The following ARHGAP22 variants were observed in gnomAD, a reference collection of about 807,000 sequenced individuals.
The protein encoded by ARHGAP22 is rho GTPase-activating protein 22.
ARHGAP22 carries 48 observed loss-of-function variants against 59.1 expected under a neutral mutation model. The observed-to-expected ratio is 0.81, with a 90% CI of 0.64 to 1.03. The LOEUF is 1.03. ARHGAP22 is among the 50% of genes least tolerant of loss of function. The probability of loss-of-function intolerance (pLI) is 0.00; values close to 1 mark genes in which losing one functional copy is unlikely to be tolerated. For missense variants in ARHGAP22, 1,015 were observed against 958.7 expected (o/e 1.06, Z -0.78); for synonymous variants, 445 against 416.4 (o/e 1.07, Z -0.84).
At chr10:48,568,763 C>A (rs2058212525) in intron 2 of ARHGAP22, among the ~76,000 whole-genome samples, 1 of 152,200 alleles carries the variant, frequency 6.6e-6, no homozygotes, top group Non-Finnish European at 1.5e-5. Flanking sequence ...TGCTGCCTGG[C>A]CCCCACCCCC....
chr10:48,553,582 AG>A (rs1397099419), intron 3 of ARHGAP22, among the ~76,000 whole-genome samples: 3 of 152,202 alleles, frequency 2.0e-5, no homozygotes, highest in African/African-American at 7.2e-5. Context: ...TTTGTACAAT[AG>A]GTCTGACGAC....
At chr10:48,620,214 T>C (rs2136025694) in intron 1 of ARHGAP22, among the ~76,000 whole-genome samples, 2 of 152,240 alleles carry the variant, frequency 1.3e-5, no homozygotes, top group Middle Eastern at 3.4e-3. Context: ...GCACAGTTGA[T>C]TCTTGCTCAT....
chr10:48,497,604 A>G (rs1437391713), intron 3 of ARHGAP22, among the ~76,000 whole-genome samples: 1 of 152,114 alleles, frequency 6.6e-6, no homozygotes, highest in Non-Finnish European at 1.5e-5. Flanking sequence ...CTGGGGAGGA[A>G]GGAGCCCCTC....
intron 3 of ARHGAP22, chr10:48,524,022 G>A: frequency 6.8e-7 from 1 of 1,462,368 alleles, no homozygotes; most frequent in Non-Finnish European, 9.0e-7. Context: ...GCGGCCGCAG[G>A]GAGCGGGGCG....
intron 9 of ARHGAP22, among the ~76,000 whole-genome samples, chr10:48,447,251 G>T (rs1235402341): frequency 6.6e-6 from 1 of 152,222 alleles, no homozygotes; most frequent in Non-Finnish European, 1.5e-5. Flanking sequence ...GTGTGCCAAG[G>T]TTGGCATGGC....
intron 3 of ARHGAP22, among the ~76,000 whole-genome samples, chr10:48,489,151 T>TA (rs1459007463): frequency 6.6e-6 from 1 of 152,218 alleles, no homozygotes; most frequent in Admixed American, 6.5e-5. Context: ...AGGTCCCTGT[T>TA]ACTTTATCTT....
intron 1 of ARHGAP22, among the ~76,000 whole-genome samples, chr10:48,616,293 A>T (rs1341477035): frequency 6.6e-6 from 1 of 152,154 alleles, no homozygotes; most frequent in Non-Finnish European, 1.5e-5. Flanking sequence ...GAAACCAAAC[A>T]TATATGTGGC....
intron 1 of ARHGAP22, among the ~76,000 whole-genome samples, chr10:48,615,428 C>T (rs1164735022): frequency 1.3e-5 from 2 of 152,076 alleles, no homozygotes; most frequent in African/African-American, 4.8e-5. Flanking sequence ...AGTTATTAAA[C>T]AAATAAATGA....
At chr10:48,494,547 C>A (rs1415850061) in intron 3 of ARHGAP22, among the ~76,000 whole-genome samples, 2 of 152,208 alleles carry the variant, frequency 1.3e-5, no homozygotes, top group Non-Finnish European at 2.9e-5. Flanking sequence ...CTCCATCCAT[C>A]TGTCCACTTG....
At chr10:48,492,661 C>T (rs968273743) in intron 3 of ARHGAP22, among the ~76,000 whole-genome samples, 1 of 152,086 alleles carries the variant, frequency 6.6e-6, no homozygotes, top group Non-Finnish European at 1.5e-5. Flanking sequence ...TCAAGTGATT[C>T]TCCTGCCTCA....
intron 3 of ARHGAP22, among the ~76,000 whole-genome samples, chr10:48,481,304 G>A (rs1198422198): frequency 6.6e-6 from 1 of 152,192 alleles, no homozygotes; most frequent in African/African-American, 2.4e-5. Context: ...TTTGGGCTAC[G>A]AAGGCTGGAA....
Position 48,501,656 on chromosome 10 carries a change from G to A in ARHGAP22, c.323-21892C>T, listed in dbSNP as rs769955846. On this transcript the variant is annotated intron_variant, in intron 3 of 9. Coordinates refer to ENST00000249601, the MANE Select transcript of ARHGAP22 (RefSeq NM_021226.4). ...TTACTCTTCAGATAAATTTGTACAC[G>A]TGCATAAAAAGTTAGTAAACATAAC... Among the ~76,000 whole-genome samples the A allele has an allele frequency of 8.8e-4, 134 of 151,816 alleles. 1 individual carries two copies. Among genetic ancestry groups the A allele is most frequent in the Non-Finnish European group, 1.6e-3 (108 of 68,020 alleles).
intron 3 of ARHGAP22, among the ~76,000 whole-genome samples, chr10:48,543,994 T>A (rs747940200): frequency 1.3e-5 from 2 of 151,988 alleles, no homozygotes; most frequent in African/African-American, 2.4e-5. Context: ...CATGGTGGTG[T>A]GCACCTGTAA....
Position 48,604,934 on chromosome 10 carries a change from C to A in ARHGAP22, c.-138G>T. On this transcript the variant is annotated 5_prime_UTR_variant, in exon 1 of 10. Transcript: ENST00000249601. ...GGCCGCTGGCGTCACCCGTCAGGCT[C>A]CCTCGGCTACCTCTCCTGGCTCCGG... is the stretch of plus-strand genomic sequence containing the variant. 6.5e-7 allele frequency: 1 copy of A among 1,547,850 alleles called. No individual in the cohort carries two copies.
At chr10:48,577,801 G>GTTTTCTTTTTTTTT (rs2058827422) in intron 2 of ARHGAP22, among the ~76,000 whole-genome samples, 1 of 59,142 alleles carries the variant, frequency 1.7e-5, no homozygotes, top group African/African-American at 6.6e-5. Context: ...CTCTTTTTTG[G>GTTTTCTTTTTTTTT]TTTTTTTTTT....
chr10:48,548,955 C>T (rs754905363), intron 3 of ARHGAP22, among the ~76,000 whole-genome samples: 26 of 152,306 alleles, frequency 1.7e-4, no homozygotes, highest in Admixed American at 4.6e-4. Flanking sequence ...CACCGCTCAC[C>T]GGCCCTCGGA....
chr10:48,651,624 C>T (rs1259662255), intron 1 of ARHGAP22, among the ~76,000 whole-genome samples: 1 of 152,120 alleles, frequency 6.6e-6, no homozygotes, highest in Non-Finnish European at 1.5e-5. Context: ...CCAACCATCA[C>T]CTGCACAATC....
chr10:48,484,020 G>C (rs982566603), intron 3 of ARHGAP22, among the ~76,000 whole-genome samples: 1 of 152,318 alleles, frequency 6.6e-6, no homozygotes, highest in Middle Eastern at 3.4e-3. Flanking sequence ...TGTTTTATGT[G>C]TAAGTCTTTA....
chr10:48,626,333 A>G (rs554853767), intron 1 of ARHGAP22, among the ~76,000 whole-genome samples: 15 of 152,288 alleles, frequency 9.8e-5, no homozygotes, highest in African/African-American at 3.6e-4. Context: ...TGATGTCCCC[A>G]GGGTCTTAAT....
Sources: allele counts gnomAD v4.1 joint callset (sites outside exome capture counted in the v4.1 genomes callset), GRCh38; gene constraint gnomAD v4.1.1; transcripts MANE v1.5; gene names NCBI Gene and HGNC (gene_info 2026-07-23, HGNC 2026-07-21).